The following TTLL7 variants were observed in gnomAD, a reference collection of about 807,000 sequenced individuals.
The protein encoded by TTLL7 is tubulin tyrosine ligase like 7.
A neutral mutation model predicts 120.2 loss-of-function variants in TTLL7; 53 were observed. The ratio of observed to expected loss-of-function variants is 0.44; its 90% CI spans 0.35 to 0.55. TTLL7 has a LOEUF of 0.55. Among genes scored for constraint, TTLL7 ranks in the 20% least tolerant of loss-of-function variants. The pLI is 0.00. For missense variants in TTLL7, 803 were observed against 1,054.7 expected (o/e 0.76, Z 3.31); for synonymous variants, 353 against 351.7 (o/e 1.00, Z -0.04).
At chr1:83,879,511 G>A (rs1654254301) in intron 20 of TTLL7, among the ~76,000 whole-genome samples, 2 of 152,000 alleles carry the variant, frequency 1.3e-5, no homozygotes, top group Admixed American at 6.6e-5. Flanking sequence ...TTATGGGCTA[G>A]TGACATGGAA....
intron 8 of TTLL7, 71 bp downstream of exon 8, chr1:83,937,781 T>C: frequency 6.4e-7 from 1 of 1,570,968 alleles, no homozygotes; most frequent in South Asian, 1.1e-5. Context: ...TAATGAACTT[T>C]CATGGCCTGA....
intron 15 of TTLL7, among the ~76,000 whole-genome samples, chr1:83,910,338 G>A (rs1306185233): frequency 6.6e-6 from 1 of 152,118 alleles, no homozygotes; most frequent in Non-Finnish European, 1.5e-5. Flanking sequence ...CTAGGACAGT[G>A]GAGCACGAGG....
chr1:83,937,103 G>C (rs1647466143), intron 8 of TTLL7, among the ~76,000 whole-genome samples: 1 of 152,086 alleles, frequency 6.6e-6, no homozygotes, highest in African/African-American at 2.4e-5. Context: ...TTCAACAGAG[G>C]TCACATAAGA....
In TTLL7 at chr1:83,952,178, T is replaced by C. The variant is rs759359074; in HGVS notation, c.25+9A>G. 2.5e-6 allele frequency: 4 copies of C among 1,613,532 alleles called. No individual in the cohort carries two copies. In the African/African-American group the frequency reaches 4.0e-5, roughly 16 times the overall value. ...ATATTTTGTAACATAGTTAAGTCAA[T>C]TTCCCTACCTCCTTCTTGAGGCAGA... On this transcript the variant is annotated intron_variant, in intron 2 of 20. Transcript: ENST00000260505.
chr1:83,947,564 C>A, intron 5 of TTLL7: 1 of 287,290 alleles, frequency 3.5e-6, no homozygotes, highest in South Asian at 4.3e-5. Flanking sequence ...AGAGTACACA[C>A]TCTGTGCTAG....
intron 9 of TTLL7, 25 bp from the exon 10 acceptor site, chr1:83,929,255 T>C: frequency 6.5e-7 from 1 of 1,537,738 alleles, no homozygotes; most frequent in Non-Finnish European, 9.0e-7. Context: ...GAAGACAATA[T>C]TGGAAGGTAA....
intron 1 of TTLL7, among the ~76,000 whole-genome samples, chr1:83,982,411 T>G (rs1479975501): frequency 6.6e-6 from 1 of 151,752 alleles, no homozygotes; most frequent in Non-Finnish European, 1.5e-5. Context: ...AAAACTTATA[T>G]AAATATAAGA....
chr1:83,908,155 T>G (rs962441492), intron 15 of TTLL7, among the ~76,000 whole-genome samples: 9 of 152,074 alleles, frequency 5.9e-5, no homozygotes, highest in African/African-American at 1.7e-4. Flanking sequence ...TCCAGTGTCT[T>G]CCCTTTTTCT....
In TTLL7 at chr1:83,978,135, G is replaced by C. The variant is rs1651656285; in HGVS notation, c.-177+20796C>G. Among the ~76,000 whole-genome samples the C allele has an allele frequency of 2.0e-5, 3 of 152,012 alleles. No individual in the cohort carries two copies. In the South Asian group the frequency reaches 6.2e-4, roughly 32 times the overall value. On this transcript the variant is annotated intron_variant, in intron 1 of 20. Transcript: ENST00000260505. Reference sequence around the variant, plus strand: ...ATCTATCTCACCTACCAAATGTAAAGCTAAACATCATAGAGTTAAAATAAT... The same window carrying C: ...ATCTATCTCACCTACCAAATGTAAACCTAAACATCATAGAGTTAAAATAAT...
chr1:83,915,178 A>G (rs182334776), intron 14 of TTLL7, among the ~76,000 whole-genome samples: 131 of 152,260 alleles, frequency 8.6e-4, no homozygotes, highest in African/African-American at 3.0e-3. Context: ...TTTCAGAAGC[A>G]TGGAAAAGCA....
intron 19 of TTLL7, among the ~76,000 whole-genome samples, chr1:83,887,747 G>C (rs966287300): frequency 5.9e-5 from 9 of 152,006 alleles, no homozygotes; most frequent in Non-Finnish European, 1.3e-4. Context: ...TTCTGACTCA[G>C]ATTACCTGGA....
intron 18 of TTLL7, among the ~76,000 whole-genome samples, chr1:83,896,837 C>A (rs915369121): frequency 6.6e-6 from 1 of 152,074 alleles, no homozygotes; most frequent in Non-Finnish European, 1.5e-5. Flanking sequence ...AGATAATAAG[C>A]TTTTCAGCAA....
chr1:83,894,927 G>A (rs1343940036), intron 18 of TTLL7, among the ~76,000 whole-genome samples: 1 of 151,974 alleles, frequency 6.6e-6, no homozygotes, highest in African/African-American at 2.4e-5. Flanking sequence ...TAATTTGGAG[G>A]GCATGGAACA....
At chr1:83,895,533 G>C (rs1656133752) in intron 18 of TTLL7, among the ~76,000 whole-genome samples, 1 of 151,992 alleles carries the variant, frequency 6.6e-6, no homozygotes, top group Non-Finnish European at 1.5e-5. Flanking sequence ...TTCAAACCAA[G>C]AGATAGACAA....
intron 18 of TTLL7, among the ~76,000 whole-genome samples, chr1:83,892,385 TATATACGAATATATATGAAC>T (rs1184943038): frequency 3.2e-5 from 1 of 31,008 alleles, no homozygotes; most frequent in Non-Finnish European, 7.0e-5. Flanking sequence ...TATATGAATA[TATATACGAATATATATGAAC>T]ATATATATGA....
intron 20 of TTLL7, among the ~76,000 whole-genome samples, chr1:83,880,493 GT>G (rs1654346704): frequency 6.6e-6 from 1 of 151,898 alleles, no homozygotes; most frequent in South Asian, 2.1e-4. Context: ...TACTCCCCAA[GT>G]TTTTTAAACA....
chr1:83,963,285 C>T (rs957905996), intron 1 of TTLL7, among the ~76,000 whole-genome samples: 2 of 152,006 alleles, frequency 1.3e-5, no homozygotes, highest in Non-Finnish European at 2.9e-5. Flanking sequence ...AGGCTCAGTA[C>T]TCATTTTCAG....
chr1:83,869,909 G>T lies in TTLL7; in HGVS notation c.*53C>A, dbSNP rs1030387915. ...TGTTCTTTGCATGTTCAACTTCAGAGGAAAAAAATGAATTGCTGTTATGTA... is the reference window on the plus strand; with the variant it reads ...TGTTCTTTGCATGTTCAACTTCAGATGAAAAAAATGAATTGCTGTTATGTA... On this transcript the variant is annotated 3_prime_UTR_variant, in exon 21 of 21. Transcript: ENST00000260505. The T allele has an allele frequency of 1.5e-5, 23 of 1,580,646 alleles. No individual in the cohort carries two copies. Among genetic ancestry groups the T allele is most frequent in the Admixed American group, 3.9e-5 (2 of 50,770 alleles).
At chr1:83,909,055 C>CT (rs79076935) in intron 15 of TTLL7, among the ~76,000 whole-genome samples, 199 of 142,198 alleles carry the variant, frequency 1.4e-3, no homozygotes, top group Middle Eastern at 7.4e-3. Context: ...ACTGGTCAAT[C>CT]TTTTTTTTTT....
Sources: gnomAD v4.1 joint callset for allele counts (sites outside exome capture counted in the v4.1 genomes callset) on GRCh38, gnomAD v4.1.1 for gene constraint, MANE v1.5 for transcripts, NCBI Gene and HGNC (gene_info 2026-07-23, HGNC 2026-07-21) for gene names.